Variants in LANCL2 observed in about 807,000 individuals in gnomAD.
The protein encoded by LANCL2 is LanC like glutathione S-transferase 2.
LANCL2 carries 33 observed loss-of-function variants against 56.9 expected under a neutral mutation model. The ratio of observed to expected loss-of-function variants is 0.58; its 90% CI spans 0.44 to 0.78. The LOEUF (loss-of-function observed/expected upper bound fraction) is 0.78. Among genes scored for constraint, LANCL2 ranks in the 30% least tolerant of loss-of-function variants. The pLI, the probability that LANCL2 is intolerant of heterozygous loss-of-function variation, is 0.00. For synonymous variants in LANCL2, 233 were observed against 228.2 expected, an observed-to-expected ratio of 1.02 and a Z score of -0.19; for missense variants, 562 against 580.2, an observed-to-expected ratio of 0.97 and a Z score of 0.32.
At chr7:55,382,816 T>C (rs1453348103) in intron 1 of LANCL2, among the ~76,000 whole-genome samples, 6 of 152,224 alleles carry the variant, frequency 3.9e-5, no homozygotes, top group Non-Finnish European at 5.9e-5. Flanking sequence ...TTTGGAATCT[T>C]GTGGCCTGTG....
intron 1 of LANCL2, among the ~76,000 whole-genome samples, chr7:55,388,056 A>G (rs1383202231): frequency 2.6e-5 from 4 of 152,178 alleles, no homozygotes; most frequent in Non-Finnish European, 5.9e-5. Context: ...ACATAACTCT[A>G]CATTGTAGGT....
intron 5 of LANCL2, among the ~76,000 whole-genome samples, chr7:55,406,246 G>A (rs1478889093): frequency 6.6e-6 from 1 of 152,176 alleles, no homozygotes; most frequent in Non-Finnish European, 1.5e-5. Flanking sequence ...TCCAAGGGTA[G>A]CATTTTCCAC....
At chr7:55,414,671 T>G (rs560583008) in intron 6 of LANCL2, among the ~76,000 whole-genome samples, 4 of 152,090 alleles carry the variant, frequency 2.6e-5, no homozygotes, top group Admixed American at 6.5e-5. Flanking sequence ...ATGTGGTATT[T>G]TAGATGGCCT....
At chr7:55,384,155 T>C (rs1011248440) in intron 1 of LANCL2, among the ~76,000 whole-genome samples, 2 of 151,886 alleles carry the variant, frequency 1.3e-5, no homozygotes, top group African/African-American at 4.8e-5. Context: ...CATCCAGCTG[T>C]TGGTAATTGG....
chr7:55,428,630 G>T (rs374040614), intron 8 of LANCL2, among the ~76,000 whole-genome samples, 183 bp downstream of exon 8: 30 of 152,192 alleles, frequency 2.0e-4, no homozygotes, highest in East Asian at 1.9e-3. Flanking sequence ...ATTGTTTTGT[G>T]CTCCTGTGAA....
chr7:55,398,683 C>T (rs762520867), intron 3 of LANCL2, 53 bp downstream of exon 3: 52 of 1,320,880 alleles, frequency 3.9e-5, no homozygotes, highest in Middle Eastern at 5.0e-4. Context: ...GAAGCTCTTG[C>T]TGTAGAAAGA....
intron 1 of LANCL2, among the ~76,000 whole-genome samples, chr7:55,384,808 G>A (rs1790106923): frequency 6.6e-6 from 1 of 152,100 alleles, no homozygotes; most frequent in African/African-American, 2.4e-5. Context: ...TCTTTTTTCA[G>A]TGAAAATATC....
intron 2 of LANCL2, among the ~76,000 whole-genome samples, chr7:55,394,552 C>T (rs1790227785): frequency 6.6e-6 from 1 of 152,106 alleles, no homozygotes; most frequent in Non-Finnish European, 1.5e-5. Flanking sequence ...AGAGTGAGAC[C>T]CTGTCTCAAC....
chr7:55,406,678 G>A (rs1401982459), intron 5 of LANCL2, among the ~76,000 whole-genome samples: 2 of 152,178 alleles, frequency 1.3e-5, no homozygotes, highest in African/African-American at 4.8e-5. Context: ...GGAGGGTGTC[G>A]TTGGAAGGCT....
intron 5 of LANCL2, among the ~76,000 whole-genome samples, chr7:55,405,490 C>CT (rs35842812): frequency 0.052 from 6,457 of 123,276 alleles, 530 homozygotes; most frequent in African/African-American, 0.17. Context: ...GGTTCAGGAA[C>CT]TTTTTTTTTT....
intron 1 of LANCL2, among the ~76,000 whole-genome samples, chr7:55,387,660 A>T (rs1397044745): frequency 2.6e-5 from 4 of 152,040 alleles, no homozygotes; most frequent in Non-Finnish European, 4.4e-5. Flanking sequence ...TGTTACAAAG[A>T]CTATCCTAAA....
chr7:55,382,125 A>T (rs565481433), intron 1 of LANCL2, among the ~76,000 whole-genome samples: 3 of 152,378 alleles, frequency 2.0e-5, no homozygotes, highest in East Asian at 3.9e-4. Context: ...TACATAAAAG[A>T]CACATTTTCA....
chr7:55,416,068 T>C (rs927046390), intron 6 of LANCL2, among the ~76,000 whole-genome samples: 17 of 152,166 alleles, frequency 1.1e-4, no homozygotes, highest in Non-Finnish European at 2.4e-4. Flanking sequence ...GGTAGGTGTA[T>C]GTTTAGTTTT....
chr7:55,396,334 T>A (rs921464203), intron 2 of LANCL2, among the ~76,000 whole-genome samples: 1 of 152,090 alleles, frequency 6.6e-6, no homozygotes, highest in Non-Finnish European at 1.5e-5. Context: ...CATCAGAGCC[T>A]TCAGTTCTTG....
intron 6 of LANCL2, among the ~76,000 whole-genome samples, chr7:55,413,760 A>T (rs866067412): frequency 6.6e-6 from 1 of 152,234 alleles, no homozygotes; most frequent in Non-Finnish European, 1.5e-5. Context: ...CTCCTCCAGA[A>T]AGCATAGAGC....
chr7:55,409,682 A>G (rs1790450858), intron 5 of LANCL2, among the ~76,000 whole-genome samples: 1 of 152,216 alleles, frequency 6.6e-6, no homozygotes, highest in East Asian at 1.9e-4. Context: ...GAAGACCTGG[A>G]AAGCAGCCAA....
chr7:55,375,647 A>G (rs936489287), intron 1 of LANCL2, among the ~76,000 whole-genome samples: 3 of 152,238 alleles, frequency 2.0e-5, no homozygotes, highest in Non-Finnish European at 2.9e-5. Context: ...TTTATTTATC[A>G]TCTTTAAAAT....
At position 55,366,005 on chromosome 7, in the gene LANCL2, G is replaced by C. The variant is rs1245457285; in HGVS notation, c.-21G>C. The C allele has an allele frequency of 1.4e-6, 2 of 1,420,868 alleles. No individual in the cohort carries two copies. The highest frequency in any genetic ancestry group is 3.0e-5 in the African/African-American group (2 of 66,406). The allele number at this position is 1,420,868 out of a possible 1,614,324, so 88.0% of individuals were successfully genotyped here. ...CGGGACAGGAGGTTTGTCCCCGCCC[G>C]CGCGCCGTACCGCGGCGGAGATGGG... On this transcript the variant is annotated 5_prime_UTR_variant, in exon 1 of 9. Coordinates refer to ENST00000254770, the MANE Select transcript of LANCL2 (RefSeq NM_018697.4).
intron 5 of LANCL2, among the ~76,000 whole-genome samples, chr7:55,406,895 G>A (rs1031892716): frequency 1.3e-5 from 2 of 152,196 alleles, no homozygotes; most frequent in African/African-American, 4.8e-5. Flanking sequence ...GCAAAAGAAT[G>A]ACAGCTGACC....
Sources: allele counts gnomAD v4.1 joint callset (sites outside exome capture counted in the v4.1 genomes callset), GRCh38; gene constraint gnomAD v4.1.1; transcripts MANE v1.5; gene names NCBI Gene and HGNC (gene_info 2026-07-23, HGNC 2026-07-21).